Variants in ZMAT4 observed in about 807,000 individuals in gnomAD.
ZMAT4 encodes the protein zinc finger matrin-type protein 4.
ZMAT4 carries 17 observed loss-of-function variants against 28.7 expected under a neutral mutation model. That is an observed-to-expected ratio of 0.59 (90% CI 0.41 to 0.89). The LOEUF (loss-of-function observed/expected upper bound fraction) is 0.89. ZMAT4 is among the 40% of genes least tolerant of loss of function. The pLI is 0.00. For missense variants in ZMAT4, 240 were observed against 283.8 expected, an observed-to-expected ratio of 0.85 and a Z score of 1.11; for synonymous variants, 117 against 109.2, an observed-to-expected ratio of 1.07 and a Z score of -0.44.
chr8:40,872,435 A>C (rs1256052875), intron 1 of ZMAT4, among the ~76,000 whole-genome samples: 1 of 151,050 alleles, frequency 6.6e-6, no homozygotes, highest in African/African-American at 2.4e-5. Flanking sequence ...GGGCCCCAGT[A>C]CCCCCCCCAA....
intron 3 of ZMAT4, among the ~76,000 whole-genome samples, chr8:40,716,169 G>T (rs4599795): frequency 0.6 from 91,662 of 152,042 alleles, 28,267 homozygotes; most frequent in African/African-American, 0.73. Context: ...TTCATGATAC[G>T]CAGAAAAGAA....
chr8:40,759,022 C>T lies in ZMAT4; in HGVS notation c.192+8619G>A, dbSNP rs181503153. On this transcript the variant is annotated intron_variant, in intron 3 of 6. Coordinates refer to ENST00000297737, the MANE Select transcript of ZMAT4 (RefSeq NM_024645.3). ...AGTCTAGGCCAGGTGCAGTGGATCA[C>T]GCCTGTAATCCTAGCCCTTTGGAGG... Among the ~76,000 whole-genome samples the T allele has an allele frequency of 5.2e-3, 784 of 152,084 alleles. 6 individuals carry two copies. Among genetic ancestry groups the T allele is most frequent in the African/African-American group, 0.018 (739 of 41,472 alleles).
chr8:40,655,671 G>A (rs1159852589), intron 5 of ZMAT4, among the ~76,000 whole-genome samples: 2 of 151,998 alleles, frequency 1.3e-5, no homozygotes, highest in Admixed American at 6.6e-5. Flanking sequence ...ATGGTCCATT[G>A]AGTTTCAGCA....
At chr8:40,616,543 A>T (rs1473339941) in intron 5 of ZMAT4, among the ~76,000 whole-genome samples, 1 of 152,220 alleles carries the variant, frequency 6.6e-6, no homozygotes, top group Non-Finnish European at 1.5e-5. Flanking sequence ...ACACCATGGA[A>T]TACTATGCAG....
chr8:40,593,309 C>T (rs1038302410), intron 5 of ZMAT4, among the ~76,000 whole-genome samples: 3 of 152,144 alleles, frequency 2.0e-5, no homozygotes, highest in Admixed American at 6.5e-5. Context: ...TCAAGATACA[C>T]AGTGGGTTGG....
intron 1 of ZMAT4, among the ~76,000 whole-genome samples, chr8:40,846,227 A>C (rs954498242): frequency 1.3e-5 from 2 of 152,190 alleles, no homozygotes; most frequent in Non-Finnish European, 1.5e-5. Flanking sequence ...TTTCTTATAT[A>C]TAACCTTTTA....
chr8:40,631,030 G>A lies in ZMAT4; in HGVS notation c.577+43674C>T, dbSNP rs139751914. ...AATCTGGTGTGTCCTTTACACTTAC[G>A]GTTTCTTTTCATTCAGACTAGCCAC... On this transcript the variant is annotated intron_variant, in intron 5 of 6. Transcript: ENST00000297737. 8.6e-5 allele frequency among the ~76,000 whole-genome samples: 13 copies of A among 151,670 alleles called. No individual in the cohort carries two copies. In the East Asian group the frequency reaches 1.9e-3, roughly 23 times the overall value.
chr8:40,835,389 C>T (rs1166616891), intron 1 of ZMAT4, among the ~76,000 whole-genome samples: 1 of 152,198 alleles, frequency 6.6e-6, no homozygotes, highest in Non-Finnish European at 1.5e-5. Flanking sequence ...AAAGAATAGG[C>T]TCCTACCCTC....
chr8:40,736,699 G>A (rs781241233), intron 3 of ZMAT4, among the ~76,000 whole-genome samples: 1 of 152,216 alleles, frequency 6.6e-6, no homozygotes, highest in African/African-American at 2.4e-5. Context: ...AGTATGAGCA[G>A]AGGAAGGCTC....
intron 6 of ZMAT4, among the ~76,000 whole-genome samples, chr8:40,543,572 C>T (rs1803109226): frequency 6.6e-6 from 1 of 152,174 alleles, no homozygotes; most frequent in Non-Finnish European, 1.5e-5. Context: ...TGGTGCCACT[C>T]AGCACCGTCT....
chr8:40,709,342 C>A (rs1265888393), intron 3 of ZMAT4, among the ~76,000 whole-genome samples: 2 of 152,168 alleles, frequency 1.3e-5, no homozygotes. Context: ...GGAGGGCCAA[C>A]TGTATTGAAA....
At chr8:40,821,081 T>C (rs1276174519) in intron 2 of ZMAT4, among the ~76,000 whole-genome samples, 1 of 147,052 alleles carries the variant, frequency 6.8e-6, no homozygotes, top group Non-Finnish European at 1.5e-5. Flanking sequence ...GATGGGTGTG[T>C]GTGTATGTGT....
chr8:40,892,357 C>A (rs1818725403), intron 1 of ZMAT4, among the ~76,000 whole-genome samples: 1 of 152,282 alleles, frequency 6.6e-6, no homozygotes, highest in African/African-American at 2.4e-5. Flanking sequence ...TCCCGCCACC[C>A]TGGCCTCACA....
At chr8:40,691,837 A>C (rs1190328602) in intron 4 of ZMAT4, among the ~76,000 whole-genome samples, 1 of 152,146 alleles carries the variant, frequency 6.6e-6, no homozygotes, top group Non-Finnish European at 1.5e-5. Flanking sequence ...GTTCCCATGG[A>C]TATAAGCAGA....
At chr8:40,643,158 G>A (rs1018353529) in intron 5 of ZMAT4, among the ~76,000 whole-genome samples, 10 of 152,108 alleles carry the variant, frequency 6.6e-5, no homozygotes, top group Non-Finnish European at 1.5e-5. Context: ...CCAAGCACAT[G>A]TCTGTGCCCA....
intron 1 of ZMAT4, among the ~76,000 whole-genome samples, chr8:40,828,974 T>G (rs965733040): frequency 2.0e-5 from 3 of 151,798 alleles, no homozygotes; most frequent in Non-Finnish European, 4.4e-5. Flanking sequence ...AAAAAAAAAT[T>G]TCCAGTTTTT....
intron 2 of ZMAT4, among the ~76,000 whole-genome samples, chr8:40,812,047 C>T (rs916932054): frequency 2.0e-5 from 3 of 152,160 alleles, no homozygotes; most frequent in Non-Finnish European, 4.4e-5. Flanking sequence ...AGGAGAATTG[C>T]TTGAATTTGG....
At chr8:40,663,520 G>T (rs1232805689) in intron 5 of ZMAT4, among the ~76,000 whole-genome samples, 1 of 152,108 alleles carries the variant, frequency 6.6e-6, no homozygotes, top group Non-Finnish European at 1.5e-5. Flanking sequence ...ATGAATGAAT[G>T]AATGACAAAA....
intron 3 of ZMAT4, among the ~76,000 whole-genome samples, chr8:40,727,679 G>A (rs1006984464): frequency 1.3e-5 from 2 of 152,116 alleles, no homozygotes; most frequent in African/African-American, 2.4e-5. Context: ...AATTAGAGAT[G>A]AACAAGTTAT....
Sources: allele counts gnomAD v4.1 joint callset (sites outside exome capture counted in the v4.1 genomes callset), GRCh38; gene constraint gnomAD v4.1.1; transcripts MANE v1.5; gene names NCBI Gene and HGNC (gene_info 2026-07-23, HGNC 2026-07-21).